The following CBLN2 variants were observed in gnomAD, a reference collection of about 807,000 sequenced individuals.
The protein encoded by CBLN2 is cerebellin-2.
A neutral mutation model predicts 15.0 loss-of-function variants in CBLN2; 7 were observed. The ratio of observed to expected loss-of-function variants is 0.47; its 90% CI spans 0.27 to 0.88. The LOEUF (loss-of-function observed/expected upper bound fraction) is 0.88. Among genes scored for constraint, CBLN2 ranks in the 40% least tolerant of loss-of-function variants. The pLI, the probability that CBLN2 is intolerant of heterozygous loss-of-function variation, is 0.14. For synonymous variants in CBLN2, 149 were observed against 135.2 expected, an observed-to-expected ratio of 1.10 and a Z score of -0.71; for missense variants, 242 against 304.5, an observed-to-expected ratio of 0.79 and a Z score of 1.53.
At chr18:72,610,953 C>T (rs905891723) in intron 1 of CBLN2, among the ~76,000 whole-genome samples, 2 of 151,988 alleles carry the variant, frequency 1.3e-5, no homozygotes, top group African/African-American at 4.8e-5. Context: ...CTGTGAGTAC[C>T]CCCTATTTAG....
At position 72,542,169 on chromosome 18, in the gene CBLN2, G is replaced by C; in HGVS notation, c.-9C>G. 4.9e-6 allele frequency: 6 copies of C among 1,222,418 alleles called. No individual in the cohort carries two copies. The highest frequency in any genetic ancestry group is 6.1e-6 in the Non-Finnish European group (6 of 983,892). 75.7% of individuals were successfully genotyped at this position (1,222,418 alleles called of 1,614,324 possible). ...CGGCCGGGCGCCTGCATCGGGACTG[G>C]TGGGAGGCGGCGCGCGGGGGTGGAG... On this transcript the variant is annotated 5_prime_UTR_variant, in exon 3 of 5. Coordinates refer to ENST00000269503, the MANE Select transcript of CBLN2 (RefSeq NM_182511.4).
intron 1 of CBLN2, among the ~76,000 whole-genome samples, chr18:72,583,278 C>T (rs938698109): frequency 6.6e-6 from 1 of 152,214 alleles, no homozygotes; most frequent in African/African-American, 2.4e-5. Context: ...AGAAGCGCAG[C>T]TGTCTGGGAT....
At chr18:72,585,040 C>G (rs1160278163) in intron 1 of CBLN2, among the ~76,000 whole-genome samples, 1 of 152,182 alleles carries the variant, frequency 6.6e-6, no homozygotes, top group Admixed American at 6.5e-5. Flanking sequence ...CCAGGTATAC[C>G]ACAAGCAGCT....
intron 1 of CBLN2, among the ~76,000 whole-genome samples, chr18:72,590,366 G>A (rs2069472598): frequency 6.6e-6 from 1 of 152,066 alleles, no homozygotes; most frequent in African/African-American, 2.4e-5. Context: ...AGAATCATGT[G>A]AACCGGGAGG....
chr18:72,575,649 C>T (rs184133055), intron 1 of CBLN2, among the ~76,000 whole-genome samples: 1 of 152,004 alleles, frequency 6.6e-6, no homozygotes, highest in Non-Finnish European at 1.5e-5. Context: ...GGCGACTGGG[C>T]GGAGTCCATA....
intron 1 of CBLN2, among the ~76,000 whole-genome samples, chr18:72,575,235 C>T (rs1265828662): frequency 1.3e-5 from 2 of 152,038 alleles, no homozygotes; most frequent in Admixed American, 1.3e-4. Flanking sequence ...ATGGCAAAGT[C>T]AGAGATTGGC....
chr18:72,631,655 C>T (rs1014361188), intron 1 of CBLN2, among the ~76,000 whole-genome samples: 6 of 151,976 alleles, frequency 3.9e-5, no homozygotes, highest in African/African-American at 9.7e-5. Flanking sequence ...ATAGAAGTCC[C>T]GGAATTAGAA....
At chr18:72,599,791 G>C (rs2069536347) in intron 1 of CBLN2, among the ~76,000 whole-genome samples, 1 of 152,224 alleles carries the variant, frequency 6.6e-6, no homozygotes, top group Non-Finnish European at 1.5e-5. Context: ...AATCCAAGTA[G>C]GGATGACCTT....
chr18:72,581,214 T>C (rs1198569320), intron 1 of CBLN2, among the ~76,000 whole-genome samples: 1 of 152,196 alleles, frequency 6.6e-6, no homozygotes, highest in East Asian at 1.9e-4. Flanking sequence ...CTTCCTAACT[T>C]TTTTAACGTG....
intron 1 of CBLN2, among the ~76,000 whole-genome samples, chr18:72,570,679 A>C (rs766992639): frequency 1.3e-5 from 2 of 152,104 alleles, no homozygotes; most frequent in African/African-American, 2.4e-5. Flanking sequence ...CTTGCAGGAC[A>C]TCCAAGCATC....
At chr18:72,546,546 C>A (rs927450551), upstream of CBLN2, among the ~76,000 whole-genome samples, 5 of 151,958 alleles carry the variant, frequency 3.3e-5, no homozygotes, top group African/African-American at 1.2e-4. Context: ...AAAAGTTTTT[C>A]TAGTTATCTC....
At chr18:72,559,656 G>A (rs2069247746) in intron 1 of CBLN2, among the ~76,000 whole-genome samples, 1 of 152,226 alleles carries the variant, frequency 6.6e-6, no homozygotes, top group Non-Finnish European at 1.5e-5. Context: ...TTCATTGCCA[G>A]CCGGTGGCCG....
At position 72,537,708 on chromosome 18, in the gene CBLN2, C is replaced by T. The variant is rs2069075547; in HGVS notation, c.*468G>A. 5.7e-6 allele frequency: 1 copy of T among 174,112 alleles called. No homozygotes were observed. Among genetic ancestry groups the T allele is most frequent in the African/African-American group, 2.4e-5 (1 of 41,768 alleles). 10.8% of individuals were successfully genotyped at this position (174,112 alleles called of 1,614,324 possible). On this transcript the variant is annotated 3_prime_UTR_variant, in exon 5 of 5. Transcript: ENST00000269503. ...AGTGAAGCCATTCTTTTTCTTAAGG[C>T]TATACAGACACACACAGAACACATG...
At chr18:72,628,951 A>G (rs536059781) in intron 1 of CBLN2, among the ~76,000 whole-genome samples, 2 of 152,250 alleles carry the variant, frequency 1.3e-5, no homozygotes, top group African/African-American at 4.8e-5. Context: ...GGATATCTGT[A>G]CTTAGAAATT....
chr18:72,574,629 T>C (rs1003802123), intron 1 of CBLN2, among the ~76,000 whole-genome samples: 3 of 152,070 alleles, frequency 2.0e-5, no homozygotes, highest in African/African-American at 7.2e-5. Flanking sequence ...GAATGCAAAG[T>C]ATATGGGTGC....
At chr18:72,590,668 T>C (rs1032267856) in intron 1 of CBLN2, among the ~76,000 whole-genome samples, 2 of 152,180 alleles carry the variant, frequency 1.3e-5, no homozygotes, top group East Asian at 3.8e-4. Flanking sequence ...TTTATGACAA[T>C]AGAGTAACTG....
intron 1 of CBLN2, among the ~76,000 whole-genome samples, chr18:72,563,894 TAC>T (rs1349020556): frequency 6.6e-6 from 1 of 152,224 alleles, no homozygotes; most frequent in African/African-American, 2.4e-5. Flanking sequence ...TACAAACTCC[TAC>T]AGAGTAGGCT....
At chr18:72,590,291 A>C (rs192169061) in intron 1 of CBLN2, among the ~76,000 whole-genome samples, 1,919 of 148,622 alleles carry the variant, frequency 0.013, 9 homozygotes, top group East Asian at 0.014. Flanking sequence ...AAAACAAAAA[A>C]AAAAAATTAG....
intron 1 of CBLN2, among the ~76,000 whole-genome samples, chr18:72,609,966 C>T (rs1278334327): frequency 1.3e-5 from 2 of 152,244 alleles, no homozygotes; most frequent in Middle Eastern, 3.4e-3. Flanking sequence ...CACTGAAACT[C>T]GCTGCCATCC....
Sources: gnomAD v4.1 joint callset for allele counts (sites outside exome capture counted in the v4.1 genomes callset) on GRCh38, gnomAD v4.1.1 for gene constraint, MANE v1.5 for transcripts, NCBI Gene and HGNC (gene_info 2026-07-23, HGNC 2026-07-21) for gene names.